The following UNK variants were observed in gnomAD, a reference collection of about 807,000 sequenced individuals.
UNK encodes the protein unk zinc finger, also known as RING finger protein unkempt homolog.
UNK carries 32 observed loss-of-function variants against 97.6 expected under a neutral mutation model. The ratio of observed to expected loss-of-function variants is 0.33; its 90% CI spans 0.25 to 0.44. The LOEUF is 0.44. UNK is among the 20% of genes least tolerant of loss of function. The pLI, the probability that UNK is intolerant of heterozygous loss-of-function variation, is 1.00. For synonymous variants in UNK, 441 were observed against 461.2 expected (o/e 0.96, Z 0.56); for missense variants, 771 against 1,098.4 (o/e 0.70, Z 4.21).
At chr17:75,789,109 A>AT (rs544737754) in intron 1 of UNK, among the ~76,000 whole-genome samples, 68 of 150,522 alleles carry the variant, frequency 4.5e-4, no homozygotes, top group Admixed American at 8.0e-4. Context: ...AATTTTGTTG[A>AT]TTTTTTTTTT....
chr17:75,798,105 T>A lies in UNK; in HGVS notation c.105-11655T>A, dbSNP rs2061823239. Reference sequence around the variant, plus strand: ...TTTTTTTTAAGACAGAGTCTTGCTCTTGTCACCCAGGCTGGAGTGCAATGG... The same window carrying A: ...TTTTTTTTAAGACAGAGTCTTGCTCATGTCACCCAGGCTGGAGTGCAATGG... On this transcript the variant is annotated intron_variant, in intron 1 of 15. Transcript: ENST00000589666. 8.6e-5 allele frequency among the ~76,000 whole-genome samples: 13 copies of A among 150,942 alleles called. No individual in the cohort carries two copies. The South Asian group carries it at 2.7e-3, about 32-fold the overall frequency.
rs2061976053 is a variant in UNK at position 75,812,292 on chromosome 17, G to A, written c.491+4G>A. The A allele has an allele frequency of 6.2e-7, 1 of 1,609,230 alleles. No homozygotes were observed. Among genetic ancestry groups the A allele is most frequent in the Non-Finnish European group, 8.5e-7 (1 of 1,176,790 alleles). ...GCTCCCCTGTCTACGACATCAGGTG[G>A]GCTGGGTGCTGGGCTGGGCTGATGG... On this transcript the variant is annotated splice_donor_region_variant and intron_variant, in intron 3 of 15. Transcript: ENST00000589666.
intron 1 of UNK, chr17:75,792,340 C>T: frequency 1.0e-6 from 1 of 985,164 alleles, no homozygotes; most frequent in Non-Finnish European, 1.2e-6. Flanking sequence ...GGAGGTTTTC[C>T]CACTATCCGT....
rs566032090 is a variant in UNK at position 75,788,978 on chromosome 17, A to G, written c.104+3994A>G. Among the ~76,000 whole-genome samples, 14 of 152,348 alleles carry G rather than the reference A, an allele frequency of 9.2e-5. No homozygotes were observed. In the South Asian group the frequency reaches 2.9e-3, roughly 32 times the overall value. Reference sequence around the variant, plus strand: ...CAGTTGAATACACTAAAAGCAAAAAATTATGTTGCCATTGGTTTCCCTTTC... The same window carrying G: ...CAGTTGAATACACTAAAAGCAAAAAGTTATGTTGCCATTGGTTTCCCTTTC... On this transcript the variant is annotated intron_variant, in intron 1 of 15. Transcript: ENST00000589666.
chr17:75,824,554 G>A lies in UNK; in HGVS notation c.*137G>A, dbSNP rs375597245. 21 of 637,684 alleles carry A rather than the reference G, an allele frequency of 3.3e-5. No homozygotes were observed. Among genetic ancestry groups the A allele is most frequent in the Middle Eastern group, 1.1e-3 (2 of 1,802 alleles). The allele number at this position is 637,684 out of a possible 1,614,324, so 39.5% of individuals were successfully genotyped here. ...TGATTATGTATATGTATACATTTCC[G>A]TATGTATGTATATGTATACATTTCC... On this transcript the variant is annotated 3_prime_UTR_variant, in exon 16 of 16. Transcript: ENST00000589666. The surrounding 1 kb of genome is among the most constrained non-coding windows in gnomAD (Gnocchi z 4.9).
intron 1 of UNK, among the ~76,000 whole-genome samples, chr17:75,804,771 G>A (rs995276116): frequency 1.3e-4 from 19 of 151,346 alleles, no homozygotes; most frequent in African/African-American, 4.6e-4. Flanking sequence ...AACCTGGGAA[G>A]CAGAGGTTGC....
chr17:75,802,123 C>T (rs1336625276), intron 1 of UNK, among the ~76,000 whole-genome samples: 3 of 151,792 alleles, frequency 2.0e-5, no homozygotes, highest in East Asian at 1.9e-4. Context: ...GCTGGGATTA[C>T]AGGAGTGAGC....
chr17:75,800,514 G>A (rs1483578216), intron 1 of UNK, among the ~76,000 whole-genome samples: 8 of 151,676 alleles, frequency 5.3e-5, no homozygotes, highest in East Asian at 2.0e-4. Flanking sequence ...CGAGGCGGGC[G>A]GATCATGAGG....
intron 1 of UNK, among the ~76,000 whole-genome samples, chr17:75,805,048 G>T (rs1356237924): frequency 6.7e-6 from 1 of 150,126 alleles, no homozygotes; most frequent in Admixed American, 6.6e-5. Flanking sequence ...GGGCGTGGTG[G>T]CAGGCGCCTG....
At chr17:75,790,836 C>G (rs970410619) in intron 1 of UNK, among the ~76,000 whole-genome samples, 10 of 151,792 alleles carry the variant, frequency 6.6e-5, no homozygotes, top group African/African-American at 2.4e-4. Flanking sequence ...GAGGCTGAGA[C>G]AGGAGAATCG....
Position 75,812,154 on chromosome 17 carries a change from G to A in UNK, c.357G>A (p.Arg119=), listed in dbSNP as rs775643203. The A allele has an allele frequency of 6.2e-7, 1 of 1,613,736 alleles. No homozygotes were observed. ...GAACCACAGGGGACACTGAGCGCAG[G>A]TACCACCTTCGTTACTACAAAACTG... ...LHRTTGDTER[R]YHLRYYKTGI... The change falls in exon 3 of 16, where the codon AGG becomes AGA. Residue 119 remains arginine, a synonymous_variant. Transcript: ENST00000589666.
At chr17:75,801,840 G>A (rs886286576) in intron 1 of UNK, among the ~76,000 whole-genome samples, 2 of 146,672 alleles carry the variant, frequency 1.4e-5, no homozygotes, top group Non-Finnish European at 3.0e-5. Flanking sequence ...ACTGCACCCG[G>A]CTCCCCCCAG....
rs1164296041 is a variant in UNK at position 75,813,725 on chromosome 17, C to G, written c.759-36C>G. The G allele has an allele frequency of 2.6e-6, 4 of 1,535,900 alleles. No individual in the cohort carries two copies. In the South Asian group the frequency reaches 4.8e-5, roughly 18 times the overall value. On this transcript the variant is annotated intron_variant, in intron 5 of 15. Coordinates refer to ENST00000589666, the MANE Select transcript of UNK (RefSeq NM_001080419.3). ...CTGCTAGGCTCCGATCTCACCTTCT[C>G]CTTTCTCCATCTGACCCCACCCTCT...
At chr17:75,810,672 T>C (rs1043071479) in intron 2 of UNK, among the ~76,000 whole-genome samples, 1 of 152,222 alleles carries the variant, frequency 6.6e-6, no homozygotes, top group Non-Finnish European at 1.5e-5. Flanking sequence ...AACTCTACTC[T>C]GTTGCCCAGG....
chr17:75,805,809 A>ATGTGTGTGTGTGTGTGT (rs1567800919), intron 1 of UNK, among the ~76,000 whole-genome samples: 15 of 96,492 alleles, frequency 1.6e-4, no homozygotes, highest in African/African-American at 9.2e-4. Context: ...TAAAAAGAAA[A>ATGTGTGTGTGTGTGTGT]ATGTGTGTGT....
At chr17:75,792,075 G>T in intron 1 of UNK, 2 of 984,550 alleles carry the variant, frequency 2.0e-6, no homozygotes, top group African/African-American at 1.7e-5. Context: ...GGTAACTAGA[G>T]CCCTGCCACA....
intron 7 of UNK, 24 bp downstream of exon 7, chr17:75,815,277 G>T: frequency 6.2e-7 from 1 of 1,600,670 alleles, no homozygotes. Context: ...ATTGCCCCGG[G>T]GCAGTGCCCT....
Position 75,819,904 on chromosome 17 carries a change from C to A in UNK, c.1649-16C>A, listed in dbSNP as rs142243149. On this transcript the variant is annotated splice_polypyrimidine_tract_variant and intron_variant, in intron 12 of 15. Coordinates refer to ENST00000589666, the MANE Select transcript of UNK (RefSeq NM_001080419.3). This position sits in a 1 kb window ranked among gnomAD's most constrained non-coding sequence, Gnocchi z 5.4. The stretch of plus-strand genomic sequence containing the variant: ...CTGCCCTCACCCAGCCCGTCCTCCC[C>A]GGGCCTCTCTTGCAGGCGGCAGCTT... The A allele has an allele frequency of 6.2e-7, 1 of 1,603,736 alleles. No individual in the cohort carries two copies. The highest frequency in any genetic ancestry group is 8.5e-7 in the Non-Finnish European group (1 of 1,174,598).
rs2062033921 is a variant in UNK at position 75,818,161 on chromosome 17, C to T, written c.1364C>T (p.Pro455Leu). The T allele has an allele frequency of 2.5e-6, 4 of 1,613,522 alleles. No individual in the cohort carries two copies. The highest frequency in any genetic ancestry group is 3.4e-6 in the Non-Finnish European group (4 of 1,179,766). ...AGTCAAGAGCAGCCTCTGCTTCAGC[C>T]CAAACAGGTATAGAGCTCTCAGCCC... ...PRSQEQPLLQ[P>L]KQDMLGILPA... is the part of the protein sequence containing the mutation. The change falls in exon 10 of 16, where the codon CCC (proline) becomes CTC (leucine). Residue 455 changes from proline to leucine, a missense_variant. Physicochemically the swap from Pro to Leu is moderately conservative, Grantham distance 98. Coordinates refer to ENST00000589666, the MANE Select transcript of UNK (RefSeq NM_001080419.3). This position sits in a 1 kb window ranked among gnomAD's most constrained non-coding sequence, Gnocchi z 5.1.
Sources: allele counts gnomAD v4.1 joint callset (sites outside exome capture counted in the v4.1 genomes callset), GRCh38; gene constraint gnomAD v4.1.1; non-coding constraint Gnocchi (gnomAD v3.1); transcripts MANE v1.5; gene names NCBI Gene and HGNC (gene_info 2026-07-23, HGNC 2026-07-21).